The following PCDH15 variants were observed in gnomAD, a reference collection of about 807,000 sequenced individuals.
PCDH15 encodes protocadherin-15.
Under a neutral mutation model 178.5 loss-of-function variants are expected in PCDH15, and 129 were observed. The ratio of observed to expected loss-of-function variants is 0.72; its 90% CI spans 0.63 to 0.84. PCDH15 has a LOEUF of 0.84. Ranked by LOEUF, PCDH15 falls within the 40% of genes least tolerant of loss-of-function variation. PCDH15 has a pLI of 0.00. For missense variants in PCDH15, 2,230 were observed against 2,099.9 expected (o/e 1.06, Z -1.21); for synonymous variants, 800 against 732.0 (o/e 1.09, Z -1.50).
chr10:54,910,259 C>T (rs951309289), intron 2 of PCDH15, among the ~76,000 whole-genome samples: 4 of 152,170 alleles, frequency 2.6e-5, no homozygotes, highest in Admixed American at 6.5e-5. Flanking sequence ...ATACCTTCTT[C>T]TGTCATCAAG....
chr10:54,313,980 T>C (rs1054263590), intron 8 of PCDH15, among the ~76,000 whole-genome samples: 2 of 152,130 alleles, frequency 1.3e-5, no homozygotes, highest in African/African-American at 4.8e-5. Context: ...GACTGACTCA[T>C]TGAATTGGAT....
At chr10:54,571,755 C>CT (rs749665809) in intron 2 of PCDH15, among the ~76,000 whole-genome samples, 1 of 152,072 alleles carries the variant, frequency 6.6e-6, no homozygotes, top group Non-Finnish European at 1.5e-5. Flanking sequence ...CATACTTCAC[C>CT]TTTTTCACAT....
At chr10:55,405,654 T>A (rs186308851) in intron 2 of PCDH15, among the ~76,000 whole-genome samples, 1 of 151,914 alleles carries the variant, frequency 6.6e-6, no homozygotes, top group Admixed American at 6.6e-5. Flanking sequence ...AACTTCAGAA[T>A]TTATAAAGTA....
intron 2 of PCDH15, among the ~76,000 whole-genome samples, chr10:55,131,367 G>A (rs888136963): frequency 3.9e-5 from 6 of 152,172 alleles, no homozygotes; most frequent in Non-Finnish European, 8.8e-5. Flanking sequence ...GCCCCAAAGA[G>A]GGTGTCAAAG....
intron 1 of PCDH15, among the ~76,000 whole-genome samples, chr10:55,303,813 T>C (rs1232871083): frequency 6.6e-6 from 1 of 152,206 alleles, no homozygotes; most frequent in Non-Finnish European, 1.5e-5. Context: ...TGTCAGACTG[T>C]CTAAAGGCTT....
At chr10:54,994,554 A>G (rs1010439093) in intron 2 of PCDH15, among the ~76,000 whole-genome samples, 9 of 152,148 alleles carry the variant, frequency 5.9e-5, no homozygotes, top group Admixed American at 3.9e-4. Flanking sequence ...TTTTATTTTC[A>G]GATTATAGAA....
At chr10:53,904,586 T>C (rs1589345655) in intron 25 of PCDH15, among the ~76,000 whole-genome samples, 1 of 152,122 alleles carries the variant, frequency 6.6e-6, no homozygotes, top group East Asian at 1.9e-4. Context: ...ATCTGTGACC[T>C]GGAAGAGGTA....
At chr10:54,193,769 G>C (rs1201393382) in intron 11 of PCDH15, among the ~76,000 whole-genome samples, 1 of 152,138 alleles carries the variant, frequency 6.6e-6, no homozygotes, top group Non-Finnish European at 1.5e-5. Flanking sequence ...TATGATCAAA[G>C]TATATAAAAT....
At chr10:54,879,498 T>C (rs533549997) in intron 3 of PCDH15, among the ~76,000 whole-genome samples, 1 of 152,158 alleles carries the variant, frequency 6.6e-6, no homozygotes, top group East Asian at 1.9e-4. Flanking sequence ...ATCTGGTTCT[T>C]AAAGACATTC....
chr10:55,339,234 T>C (rs1298400397), intron 2 of PCDH15, among the ~76,000 whole-genome samples: 1 of 152,094 alleles, frequency 6.6e-6, no homozygotes, highest in Non-Finnish European at 1.5e-5. Context: ...TATGCCTGTA[T>C]TAAAACATCA....
chr10:54,745,764 C>T (rs1023824649), intron 1 of PCDH15, among the ~76,000 whole-genome samples: 4 of 152,064 alleles, frequency 2.6e-5, no homozygotes, highest in Non-Finnish European at 4.4e-5. Flanking sequence ...TAATCTGCAG[C>T]GAAGGCCAGA....
At chr10:55,194,731 T>C (rs1365358492) in intron 1 of PCDH15, among the ~76,000 whole-genome samples, 2 of 151,818 alleles carry the variant, frequency 1.3e-5, no homozygotes, top group Non-Finnish European at 2.9e-5. Flanking sequence ...TAACTAGACA[T>C]ATACCCAGTA....
intron 2 of PCDH15, among the ~76,000 whole-genome samples, chr10:55,070,116 G>C (rs1047416624): frequency 6.6e-6 from 1 of 150,420 alleles, no homozygotes; most frequent in African/African-American, 2.4e-5. Flanking sequence ...CCCACTTTTT[G>C]ATGGGGTTGT....
chr10:55,395,705 C>T (rs924455294), intron 2 of PCDH15, among the ~76,000 whole-genome samples: 2 of 151,874 alleles, frequency 1.3e-5, no homozygotes, highest in Admixed American at 6.6e-5. Flanking sequence ...GCCTATGAAG[C>T]CCAGCTTCTT....
chr10:53,895,846 T>C (rs1364152485), intron 26 of PCDH15, among the ~76,000 whole-genome samples: 1 of 152,170 alleles, frequency 6.6e-6, no homozygotes, highest in East Asian at 1.9e-4. Context: ...CACAGAAAGT[T>C]AGTATGTTCT....
rs541542951 is a variant in PCDH15, at chr10:55,391,835, A to G, written c.-155-225184T>C. 5.3e-5 allele frequency among the ~76,000 whole-genome samples: 8 copies of G among 152,162 alleles called. No homozygotes were observed. The South Asian group carries it at 1.5e-3, about 28-fold the overall frequency. ...CAATAATTTTTCCTCAACATTCACA[A>G]CCCGGCTAACTGTTTGGCCTAAGAG... On this transcript the variant is annotated intron_variant, in intron 2 of 5. Transcript: ENST00000613346.
intron 23 of PCDH15, among the ~76,000 whole-genome samples, chr10:53,947,017 C>T (rs1209266777): frequency 6.6e-6 from 1 of 152,134 alleles, no homozygotes; most frequent in Non-Finnish European, 1.5e-5. Flanking sequence ...ACCTCATGAT[C>T]CACCCATCTC....
chr10:54,652,047 T>G (rs1359281329), intron 2 of PCDH15, among the ~76,000 whole-genome samples: 1 of 152,050 alleles, frequency 6.6e-6, no homozygotes, highest in African/African-American at 2.4e-5. Flanking sequence ...CAATTTTCAT[T>G]GAATAATCTA....
intron 2 of PCDH15, among the ~76,000 whole-genome samples, chr10:55,392,393 G>A (rs1204258498): frequency 1.3e-5 from 2 of 152,088 alleles, no homozygotes; most frequent in Non-Finnish European, 2.9e-5. Context: ...TGGTGCATTT[G>A]TCACAATTAT....
Sources: allele counts gnomAD v4.1 joint callset (sites outside exome capture counted in the v4.1 genomes callset), GRCh38; gene constraint gnomAD v4.1.1; transcripts MANE v1.5; gene names NCBI Gene and HGNC (gene_info 2026-07-23, HGNC 2026-07-21).